ANGPT1: variants seen among roughly 807,000 people sequenced by gnomAD.
The protein encoded by ANGPT1 is angiopoietin 1.
Under a neutral mutation model 62.2 loss-of-function variants are expected in ANGPT1, and 17 were observed. The ratio of observed to expected loss-of-function variants is 0.27; its 90% CI spans 0.19 to 0.41. The LOEUF is 0.41. ANGPT1 is among the 10% of genes least tolerant of loss of function. The pLI, the probability that ANGPT1 is intolerant of heterozygous loss-of-function variation, is 1.00. For synonymous variants in ANGPT1, 199 were observed against 198.9 expected, an observed-to-expected ratio of 1.00 and a Z score of 0.00; for missense variants, 478 against 594.9, an observed-to-expected ratio of 0.80 and a Z score of 2.04.
intron 1 of ANGPT1, among the ~76,000 whole-genome samples, chr8:107,386,046 A>C (rs1000440777): frequency 2.0e-5 from 3 of 152,078 alleles, no homozygotes; most frequent in African/African-American, 7.2e-5. Context: ...TATACACCAT[A>C]GAATACTACA....
intron 6 of ANGPT1, among the ~76,000 whole-genome samples, chr8:107,286,506 G>C (rs1814144854): frequency 1.3e-5 from 2 of 152,068 alleles, no homozygotes; most frequent in Non-Finnish European, 2.9e-5. Flanking sequence ...AAAGTTTTAG[G>C]AAAGAACTGA....
chr8:107,363,893 C>T (rs1816218788), intron 1 of ANGPT1, among the ~76,000 whole-genome samples: 1 of 152,148 alleles, frequency 6.6e-6, no homozygotes, highest in African/African-American at 2.4e-5. Flanking sequence ...ATATCTACAT[C>T]AAAGCAGTTT....
At chr8:107,269,977 A>C (rs1230187492) in intron 7 of ANGPT1, among the ~76,000 whole-genome samples, 1 of 152,090 alleles carries the variant, frequency 6.6e-6, no homozygotes, top group African/African-American at 2.4e-5. Context: ...TCACTTTTAG[A>C]AATTTCAGTA....
rs1214862726 is a variant in ANGPT1 at position 107,322,085 on chromosome 8, C to T, written c.619G>A (p.Glu207Lys). 1 of 1,613,734 alleles carries T rather than the reference C, an allele frequency of 6.2e-7. No homozygotes were observed. Among genetic ancestry groups the T allele is most frequent in the East Asian group, 2.2e-5 (1 of 44,864 alleles). ...TCTTCCTTTAAGGTGTCCAACTCTT[C>T]CTTGTGTTTTCCTTCCATTTCTAAG... is the stretch of plus-strand genomic sequence containing the variant. ...KILEMEGKHKEELDTLKEEKE... is the reference protein window; with the variant it reads ...KILEMEGKHKKELDTLKEEKE... Residue 207 changes from glutamate to lysine, a missense_variant, in exon 4 of 9, where the codon GAA becomes AAA. Glu to Lys is a moderately conservative substitution (Grantham distance 56). Transcript: ENST00000517746.
At position 107,321,972 on chromosome 8, in the gene ANGPT1, G is replaced by T; in HGVS notation, c.732C>A (p.Asn244Lys). The change falls in exon 4 of 9, where the codon AAC becomes AAA. Residue 244 changes from asparagine to lysine, a missense_variant. By Grantham distance (94) the Asn-to-Lys change is moderately conservative. Around this residue, in one of 4 missense-constraint regions of ANGPT1, gnomAD observed 343 missense variants for 355.4 expected, o/e 0.97. Transcript: ENST00000517746. ...EKQLNRATTNNSVLQKQQLEL... is the reference protein window; with the variant it reads ...EKQLNRATTNKSVLQKQQLEL... ...CCAGTTGCTGCTTCTGAAGGACACTGTTGTTGGTGGTAGCTCTGTTTAATT... is the reference window on the plus strand; with the variant it reads ...CCAGTTGCTGCTTCTGAAGGACACTTTTGTTGGTGGTAGCTCTGTTTAATT... 6.2e-7 allele frequency: 1 copy of T among 1,614,016 alleles called. No individual in the cohort carries two copies. The highest frequency in any genetic ancestry group is 1.3e-5 in the African/African-American group (1 of 75,048).
intron 1 of ANGPT1, among the ~76,000 whole-genome samples, chr8:107,375,074 C>G (rs969269021): frequency 1.3e-5 from 2 of 152,026 alleles, no homozygotes; most frequent in African/African-American, 4.8e-5. Context: ...GCAGGAGATT[C>G]GCTTGAACCC....
intron 1 of ANGPT1, chr8:107,494,487 TAAAAC>T (rs1381027123): frequency 6.6e-6 from 1 of 152,152 alleles, no homozygotes; most frequent in Non-Finnish European, 1.5e-5. Context: ...TTTCACAAAA[TAAAAC>T]TATGATGTTA....
At chr8:107,376,891 T>C (rs1816540760) in intron 1 of ANGPT1, among the ~76,000 whole-genome samples, 1 of 152,152 alleles carries the variant, frequency 6.6e-6, no homozygotes, top group Non-Finnish European at 1.5e-5. Context: ...TTTTTGAACT[T>C]AGAGTTTAGG....
chr8:107,471,168 G>A (rs375912760), intron 1 of ANGPT1, among the ~76,000 whole-genome samples: 8 of 152,228 alleles, frequency 5.3e-5, no homozygotes, highest in Admixed American at 4.6e-4. Context: ...ATGATAGACT[G>A]GATAAAGAAA....
chr8:107,390,754 G>A (rs1272211771), intron 1 of ANGPT1, among the ~76,000 whole-genome samples: 2 of 152,090 alleles, frequency 1.3e-5, no homozygotes, highest in African/African-American at 4.8e-5. Context: ...AACTCTTTGA[G>A]GTAAGCACTA....
chr8:107,426,200 C>T (rs144917725), intron 1 of ANGPT1, among the ~76,000 whole-genome samples: 118 of 152,184 alleles, frequency 7.8e-4, no homozygotes, highest in African/African-American at 2.6e-3. Context: ...GGCCTGTGCG[C>T]GTGAGGGATC....
At chr8:107,296,483 A>G (rs755203440) in intron 5 of ANGPT1, among the ~76,000 whole-genome samples, 1 of 152,104 alleles carries the variant, frequency 6.6e-6, no homozygotes, top group Non-Finnish European at 1.5e-5. Flanking sequence ...TTAAGAAAAT[A>G]TAACTTCAAT....
intron 8 of ANGPT1, among the ~76,000 whole-genome samples, chr8:107,263,596 T>C (rs1271640481): frequency 6.6e-6 from 1 of 152,050 alleles, no homozygotes; most frequent in Non-Finnish European, 1.5e-5. Context: ...GAGCACCAAA[T>C]TGAGAATTTC....
intron 1 of ANGPT1, among the ~76,000 whole-genome samples, chr8:107,409,856 A>G (rs1048649573): frequency 1.2e-4 from 18 of 152,026 alleles, no homozygotes; most frequent in Non-Finnish European, 2.6e-4. Flanking sequence ...GCCTCATGAA[A>G]AGTAGGAACA....
intron 1 of ANGPT1, among the ~76,000 whole-genome samples, chr8:107,402,296 T>G (rs1817062415): frequency 6.6e-6 from 1 of 152,166 alleles, no homozygotes; most frequent in African/African-American, 2.4e-5. Flanking sequence ...AATATTATAT[T>G]CCAGCCCAAT....
chr8:107,279,965 G>C (rs973273011), intron 7 of ANGPT1, among the ~76,000 whole-genome samples: 1 of 151,730 alleles, frequency 6.6e-6, no homozygotes, highest in Non-Finnish European at 1.5e-5. Context: ...AGAAGGGAGA[G>C]GTCCCAGGAT....
chr8:107,407,898 G>A (rs944622328), intron 1 of ANGPT1, among the ~76,000 whole-genome samples: 3 of 152,134 alleles, frequency 2.0e-5, no homozygotes, highest in Non-Finnish European at 2.9e-5. Flanking sequence ...GAGGACTGGG[G>A]ATTATCTGTA....
chr8:107,467,757 G>A (rs1236379020), intron 1 of ANGPT1, among the ~76,000 whole-genome samples: 1 of 151,994 alleles, frequency 6.6e-6, no homozygotes, highest in African/African-American at 2.4e-5. Flanking sequence ...GCATAGCTGG[G>A]CAAAAAGGAA....
In ANGPT1 at chr8:107,346,918, G is replaced by A. The variant is rs979626588; in HGVS notation, c.453+24C>T. The stretch of plus-strand genomic sequence containing the variant: ...AAAAAAATTTTTCCTTGTTGAGTCT[G>A]TGGACTCTGGCCCTGGGGTGTACCT... On this transcript the variant is annotated intron_variant, in intron 2 of 8. Coordinates refer to ENST00000517746, the MANE Select transcript of ANGPT1 (RefSeq NM_001146.5). 8 of 1,582,396 alleles carry A rather than the reference G, an allele frequency of 5.1e-6. No homozygotes were observed. The African/African-American group carries it at 9.5e-5, about 19-fold the overall frequency.
Sources: gnomAD v4.1 joint callset for allele counts (sites outside exome capture counted in the v4.1 genomes callset) on GRCh38, gnomAD v4.1.1 for gene constraint, gnomAD v4.1.1 regional missense constraint, MANE v1.5 for transcripts, NCBI Gene and HGNC (gene_info 2026-07-23, HGNC 2026-07-21) for gene names.